ALAS1: variants seen among roughly 807,000 people sequenced by gnomAD.
The protein encoded by ALAS1 is 5-aminolevulinate synthase, non-specific, mitochondrial.
In ALAS1, 29 loss-of-function variants were observed where a neutral mutation model predicts 59.6. That is an observed-to-expected ratio of 0.49 (90% CI 0.36 to 0.66). The LOEUF (loss-of-function observed/expected upper bound fraction) is 0.66. Among genes scored for constraint, ALAS1 ranks in the 30% least tolerant of loss-of-function variants. The pLI, the probability that ALAS1 is intolerant of heterozygous loss-of-function variation, is 0.00. For synonymous variants in ALAS1, 299 were observed against 296.6 expected (o/e 1.01, Z -0.08); for missense variants, 690 against 807.5 (o/e 0.85, Z 1.76).
At position 52,211,390 on chromosome 3, in the gene ALAS1, A is replaced by G. The variant is rs1208678717; in HGVS notation, c.1438A>G (p.Met480Val). The G allele has an allele frequency of 6.2e-7, 1 of 1,614,180 alleles. No individual in the cohort carries two copies. Among genetic ancestry groups the G allele is most frequent in the South Asian group, 1.1e-5 (1 of 91,086 alleles). Residue 480 changes from methionine (M) to valine (V), a missense_variant, in exon 10 of 12, where the codon ATG becomes GTG. Physicochemically the swap from Met to Val is conservative, Grantham distance 21. Coordinates refer to ENST00000484952, the MANE Select transcript of ALAS1 (RefSeq NM_000688.6). ...GFIFTTSLPP[M>V]LLAGALESVR... Reference sequence around the variant, plus strand: ...CATCTTCACCACCTCTCTGCCACCCATGCTGCTGGCTGGAGCCCTGGAGTC... The same window carrying G: ...CATCTTCACCACCTCTCTGCCACCCGTGCTGCTGGCTGGAGCCCTGGAGTC...
rs145553963 is a variant in ALAS1, at chr3:52,202,564, C to G, written c.257C>G (p.Pro86Arg). The G allele has an allele frequency of 1.6e-4, 253 of 1,614,148 alleles. No individual in the cohort carries two copies. In the African/African-American group the frequency reaches 3.1e-3, roughly 20 times the overall value. ...ACTCCTGATGGATCCCAGCAGAGTCCAGATGGCACACAGCTTCCGTCTGGA... is the reference window on the plus strand; with the variant it reads ...ACTCCTGATGGATCCCAGCAGAGTCGAGATGGCACACAGCTTCCGTCTGGA... ...QQTPDGSQQS[P>R]DGTQLPSGHP... Residue 86 changes from proline to arginine, a missense_variant, in exon 4 of 12, where the codon CCA becomes CGA. Physicochemically the swap from Pro to Arg is moderately radical, Grantham distance 103 (BLOSUM62 -2). Transcript: ENST00000484952.
At chr3:52,211,169 A>T (rs1031679785) in intron 9 of ALAS1, 114 bp from the exon 10 acceptor site, 1 of 1,233,072 alleles carries the variant, frequency 8.1e-7, no homozygotes, top group African/African-American at 1.5e-5. Context: ...GTCCAGGAAC[A>T]AATTAAAAAG....
In ALAS1 at chr3:52,203,977, G is replaced by A. The variant is rs749294843; in HGVS notation, c.542G>A (p.Arg181Lys). ...QDIMQKQRPE[R>K]VSHLLQDNLP... ...ATCATGCAAAAGCAAAGACCAGAAAGAGTGTCTCATCTTCTTCAAGATAAC... is the reference window on the plus strand; with the variant it reads ...ATCATGCAAAAGCAAAGACCAGAAAAAGTGTCTCATCTTCTTCAAGATAAC... The change falls in exon 5 of 12, where the codon AGA (arginine) becomes AAA (lysine). Residue 181 changes from arginine (R) to lysine (K), a missense_variant. Coordinates refer to ENST00000484952, the MANE Select transcript of ALAS1 (RefSeq NM_000688.6). 2 of 1,612,562 alleles carry A rather than the reference G, an allele frequency of 1.2e-6. No individual in the cohort carries two copies. Among genetic ancestry groups the A allele is most frequent in the Non-Finnish European group, 1.7e-6 (2 of 1,179,300 alleles).
chr3:52,211,551 G>C lies in ALAS1; in HGVS notation c.1599G>C (p.Arg533=). The change falls in exon 10 of 12, where the codon CGG becomes CGC. Residue 533 remains arginine, a splice_region_variant and synonymous_variant. Coordinates refer to ENST00000484952, the MANE Select transcript of ALAS1 (RefSeq NM_000688.6). Reference sequence around the variant, plus strand: ...GCCCCAGCCACATCATCCCTGTGCGGGTAATGGCCTGTCTCTGATTGGACT... The same window carrying C: ...GCCCCAGCCACATCATCCCTGTGCGCGTAATGGCCTGTCTCTGATTGGACT... ...VHCPSHIIPV[R]VADAAKNTEV... is the part of the protein sequence containing the mutation. The C allele has an allele frequency of 6.2e-7, 1 of 1,613,250 alleles. No individual in the cohort carries two copies. The highest frequency in any genetic ancestry group is 8.5e-7 in the Non-Finnish European group (1 of 1,179,174).
intron 6 of ALAS1, among the ~76,000 whole-genome samples, chr3:52,205,283 A>G (rs1699271280): frequency 6.6e-6 from 1 of 152,030 alleles, no homozygotes; most frequent in Non-Finnish European, 1.5e-5. Flanking sequence ...AGAAAAAGCT[A>G]CTCCAAAAGA....
At chr3:52,202,392 G>C (rs748706920) in intron 3 of ALAS1, 115 bp from the exon 4 acceptor site, 1 of 822,536 alleles carries the variant, frequency 1.2e-6, no homozygotes, top group Non-Finnish European at 2.0e-6. Context: ...TCTGGATGGT[G>C]GGGTACAGTA....
intron 5 of ALAS1, 126 bp downstream of exon 5, chr3:52,204,138 G>A: frequency 1.0e-6 from 1 of 994,642 alleles, no homozygotes; most frequent in Non-Finnish European, 1.4e-6. Context: ...CAGCACTTTG[G>A]GAGGCTGAAG....
Position 52,198,677 on chromosome 3 carries a change from C to T in ALAS1, c.-204C>T. ...TTGTGCCCCTCCTTTCTCAGTTATG[C>T]CCAGTTCTTCCCGCTGTGGGGACAC... On this transcript the variant is annotated 5_prime_UTR_variant, in exon 2 of 12. Transcript: ENST00000484952. 1 of 876,046 alleles carries T rather than the reference C, an allele frequency of 1.1e-6. No individual in the cohort carries two copies. The highest frequency in any genetic ancestry group is 1.8e-6 in the Non-Finnish European group (1 of 557,382). The allele number at this position is 876,046 out of a possible 1,614,324, so 54.3% of individuals were successfully genotyped here. A position where few individuals can be genotyped will look rare whatever the true frequency, so the allele number is the denominator to read the frequency against.
chr3:52,202,359 A>G (rs1699203647), intron 3 of ALAS1, 148 bp from the exon 4 acceptor site: 8 of 704,294 alleles, frequency 1.1e-5, no homozygotes, highest in Non-Finnish European at 1.9e-5. Context: ...TAAAAACAAA[A>G]CAAAACAAAA....
Position 52,205,842 on chromosome 3 carries a change from C to T in ALAS1, c.804C>T (p.Asp268=), listed in dbSNP as rs949256339. 1.2e-6 allele frequency: 2 copies of T among 1,601,586 alleles called. No individual in the cohort carries two copies. Among genetic ancestry groups the T allele is most frequent in the South Asian group, 1.1e-5 (1 of 89,494 alleles). Reference sequence around the variant, plus strand: ...TTTTGTTTGTATTTTTAAACAGGGACACTTTGAAACAACATGGTGCTGGGG... The same window carrying T: ...TTTTGTTTGTATTTTTAAACAGGGATACTTTGAAACAACATGGTGCTGGGG... ...RHPRVCGAVM[D]TLKQHGAGAG... Residue 268 remains aspartate (D), a synonymous_variant, in exon 7 of 12, where the codon GAC becomes GAT. Coordinates refer to ENST00000484952, the MANE Select transcript of ALAS1 (RefSeq NM_000688.6).
At chr3:52,202,825 G>T (rs1577963345) in intron 4 of ALAS1, 91 bp downstream of exon 4, 2 of 1,251,530 alleles carry the variant, frequency 1.6e-6, no homozygotes, top group Admixed American at 2.0e-5. Flanking sequence ...TATTATTAGG[G>T]CAGTATTTAT....
Position 52,199,262 on chromosome 3 carries a change from C to T in ALAS1, c.21C>T (p.Arg7=), listed in dbSNP as rs528585181. Residue 7 remains arginine, a synonymous_variant, in exon 3 of 12, where the codon CGC becomes CGT. Coordinates refer to ENST00000484952, the MANE Select transcript of ALAS1 (RefSeq NM_000688.6). ...TGAACATGGAGAGTGTTGTTCGCCG[C>T]TGCCCATTCTTATCCCGAGTCCCCC... MESVVR[R]CPFLSRVPQA... 54 of 1,614,114 alleles carry T rather than the reference C, an allele frequency of 3.3e-5. No individual in the cohort carries two copies. Among genetic ancestry groups the T allele is most frequent in the Non-Finnish European group, 4.2e-5 (49 of 1,180,056 alleles).
chr3:52,209,524 A>G (rs1699363510), intron 9 of ALAS1, among the ~76,000 whole-genome samples: 1 of 152,116 alleles, frequency 6.6e-6, no homozygotes, highest in South Asian at 2.1e-4. Flanking sequence ...CTTTTCTTTT[A>G]AGGATGTCTC....
intron 3 of ALAS1, among the ~76,000 whole-genome samples, chr3:52,201,565 C>T (rs1002696171): frequency 6.6e-6 from 1 of 151,728 alleles, no homozygotes; most frequent in Non-Finnish European, 1.5e-5. Context: ...AAGCTAGGGC[C>T]ACATAACAAG....
At chr3:52,203,571 G>T (rs1251504571) in intron 4 of ALAS1, among the ~76,000 whole-genome samples, 1 of 151,924 alleles carries the variant, frequency 6.6e-6, no homozygotes, top group East Asian at 1.9e-4. Context: ...TTGAGATTAG[G>T]ATTGGGGTGG....
At position 52,214,007 on chromosome 3, in the gene ALAS1, T is replaced by G. The variant is rs781276177; in HGVS notation, c.1763-13T>G. On this transcript the variant is annotated splice_polypyrimidine_tract_variant and intron_variant, in intron 11 of 11. Coordinates refer to ENST00000484952, the MANE Select transcript of ALAS1 (RefSeq NM_000688.6). ...ATTACTCCCTTTAATATTTAAAAACTGTTTCTCCTCAGAGAATCTGCTAGT... is the reference window on the plus strand; with the variant it reads ...ATTACTCCCTTTAATATTTAAAAACGGTTTCTCCTCAGAGAATCTGCTAGT... 1.3e-5 allele frequency: 21 copies of G among 1,593,054 alleles called. No individual in the cohort carries two copies. The Admixed American group carries it at 3.2e-4, about 24-fold the overall frequency.
rs189183702 is a variant in ALAS1 at position 52,205,953 on chromosome 3, C to T, written c.915C>T (p.Ala305=). Residue 305 remains alanine, a synonymous_variant, in exon 7 of 12, where the codon GCC becomes GCT. Coordinates refer to ENST00000484952, the MANE Select transcript of ALAS1 (RefSeq NM_000688.6). ...TGGCAGACCTCCATGGGAAAGATGC[C>T]GCACTCTTGTTTTCCTCGTGCTTTG... ...RELADLHGKD[A]ALLFSSCFVA... is the part of the protein sequence containing the mutation. 6.3e-5 allele frequency: 101 copies of T among 1,614,084 alleles called. No individual in the cohort carries two copies. The highest frequency in any genetic ancestry group is 3.5e-4 in the South Asian group (32 of 91,074).
In ALAS1 at chr3:52,211,339, A is replaced by G; in HGVS notation, c.1387A>G (p.Thr463Ala). The G allele has an allele frequency of 1.9e-6, 3 of 1,614,142 alleles. No individual in the cohort carries two copies. The East Asian group carries it at 6.7e-5, about 36-fold the overall frequency. The change falls in exon 10 of 12, where the codon ACC becomes GCC. Residue 463 changes from threonine to alanine, a missense_variant. Coordinates refer to ENST00000484952, the MANE Select transcript of ALAS1 (RefSeq NM_000688.6). ...YIASTSSLID[T>A]VRSYAAGFIF... The stretch of plus-strand genomic sequence containing the variant: ...CGCCAGCACGAGTTCTCTGATTGAC[A>G]CCGTACGGTCCTATGCTGCTGGCTT...
chr3:52,204,604 A>T (rs1229796192), intron 5 of ALAS1, 89 bp from the exon 6 acceptor site: 89 of 1,059,050 alleles, frequency 8.4e-5, no homozygotes, highest in Non-Finnish European at 1.1e-5. Context: ...GATCTCCCTC[A>T]GTTGCCAAGC....
Sources: gnomAD v4.1 joint callset for allele counts (sites outside exome capture counted in the v4.1 genomes callset) on GRCh38, gnomAD v4.1.1 for gene constraint, MANE v1.5 for transcripts, NCBI Gene and HGNC (gene_info 2026-07-23, HGNC 2026-07-21) for gene names.